Variants in RRM1 observed in about 807,000 individuals in gnomAD.
RRM1 encodes ribonucleoside-diphosphate reductase large subunit.
In RRM1, 19 loss-of-function variants were observed where a neutral mutation model predicts 101.5. That is an observed-to-expected ratio of 0.19 (90% CI 0.13 to 0.27). RRM1 has a LOEUF of 0.27. RRM1 is among the 10% of genes least tolerant of loss of function. The probability of loss-of-function intolerance (pLI) is 1.00; values close to 1 mark genes in which losing one functional copy is unlikely to be tolerated. For synonymous variants in RRM1, 298 were observed against 323.4 expected (o/e 0.92, Z 0.84); for missense variants, 500 against 962.9 (o/e 0.52, Z 6.36).
intron 15 of RRM1, among the ~76,000 whole-genome samples, chr11:4,129,759 A>T (rs977934832): frequency 3.3e-5 from 5 of 152,092 alleles, no homozygotes; most frequent in African/African-American, 1.2e-4. Context: ...TTATGGGTTA[A>T]TGCATATGCA....
At chr11:4,114,211 G>A (rs986383679) in intron 7 of RRM1, among the ~76,000 whole-genome samples, 6 of 152,072 alleles carry the variant, frequency 3.9e-5, no homozygotes, top group African/African-American at 1.2e-4. Flanking sequence ...AATAGAGCTT[G>A]TAGGACTGAA....
At chr11:4,097,022 C>T (rs537475331) in intron 1 of RRM1, among the ~76,000 whole-genome samples, 12 of 151,858 alleles carry the variant, frequency 7.9e-5, no homozygotes, top group Non-Finnish European at 1.5e-4. Flanking sequence ...TGGTGGCTCA[C>T]GCCTGTAATC....
At chr11:4,130,088 T>A (rs12806265) in intron 15 of RRM1, among the ~76,000 whole-genome samples, 19,234 of 46,688 alleles carry the variant, frequency 0.41, 5,396 homozygotes, top group Non-Finnish European at 0.52. Context: ...ATATATATAT[T>A]TTTTTTTTTT....
At chr11:4,134,848 G>T (rs2094606265) in intron 17 of RRM1, among the ~76,000 whole-genome samples, 1 of 152,162 alleles carries the variant, frequency 6.6e-6, no homozygotes, top group African/African-American at 2.4e-5. Context: ...CAACAAAAAA[G>T]GGATGCTGAA....
intron 9 of RRM1, 51 bp downstream of exon 9, chr11:4,119,979 G>A (rs764479208): frequency 3.7e-6 from 4 of 1,075,736 alleles, no homozygotes; most frequent in Non-Finnish European, 5.7e-6. Flanking sequence ...AGGTGATTTA[G>A]TCATATACAC....
In RRM1 at chr11:4,129,089, A is replaced by G; in HGVS notation, c.1708A>G (p.Met570Val). 6.3e-7 allele frequency: 1 copy of G among 1,594,240 alleles called. No individual in the cohort carries two copies. The highest frequency in any genetic ancestry group is 1.7e-5 in the Admixed American group (1 of 58,408). Residue 570 changes from methionine (M) to valine (V), a missense_variant, in exon 15 of 19, where the codon ATG becomes GTG. Met to Val is a conservative substitution (Grantham distance 21). This residue lies in a region of RRM1 where 106 missense variants were observed against 138.1 expected (regional missense o/e 0.77). Transcript: ENST00000300738. Reference protein sequence around the residue: ...PVSKGILQYDMWNVTPTDLWD... With the variant: ...PVSKGILQYDVWNVTPTDLWD... Reference sequence around the variant, plus strand: ...TATTCCTTAGATTCTTCAGTATGATATGTGGAATGTTACTCCTACAGACCT... The same window carrying G: ...TATTCCTTAGATTCTTCAGTATGATGTGTGGAATGTTACTCCTACAGACCT...
chr11:4,114,122 G>A (rs374407325), intron 7 of RRM1, among the ~76,000 whole-genome samples: 14 of 149,942 alleles, frequency 9.3e-5, no homozygotes, highest in Middle Eastern at 3.6e-3. Context: ...GCAACAGAGC[G>A]AGACTCCGTC....
chr11:4,119,762 C>CT, intron 8 of RRM1, 83 bp from the exon 9 acceptor site: 1 of 817,894 alleles, frequency 1.2e-6, no homozygotes, highest in Non-Finnish European at 2.1e-6. Flanking sequence ...AATTAGGCAT[C>CT]TTTTTTGATA....
chr11:4,121,870 C>T, intron 10 of RRM1, 105 bp downstream of exon 10: 1 of 1,035,482 alleles, frequency 9.7e-7, no homozygotes, highest in South Asian at 1.8e-5. Context: ...GTGTGTGATG[C>T]CACAGAAGGC....
At position 4,109,697 on chromosome 11, in the gene RRM1, C is replaced by A; in HGVS notation, c.441C>A (p.Gly147=). The A allele has an allele frequency of 6.2e-7, 1 of 1,603,650 alleles. No individual in the cohort carries two copies. The highest frequency in any genetic ancestry group is 1.3e-5 in the African/African-American group (1 of 74,744). Residue 147 remains glycine, a synonymous_variant, in exon 5 of 19, where the codon GGC becomes GGA. Coordinates refer to ENST00000300738, the MANE Select transcript of RRM1 (RefSeq NM_001033.5). ...YDRDFSYNYF[G]FKTLERSYLL... ...GAGATTTCTCTTACAATTACTTCGG[C>A]TTTAAGGTAAATAATGGGTTTCAAG...
intron 2 of RRM1, 152 bp downstream of exon 2, chr11:4,102,233 T>C (rs975360499): frequency 3.4e-5 from 20 of 590,574 alleles, no homozygotes; most frequent in Admixed American, 1.1e-4. Context: ...AAAACATTTT[T>C]TTTTCCTTAA....
At chr11:4,112,139 A>C (rs2094566451) in intron 7 of RRM1, 77 bp downstream of exon 7, 2 of 1,165,602 alleles carry the variant, frequency 1.7e-6, no homozygotes, top group South Asian at 3.0e-5. Flanking sequence ...AAAATAATTT[A>C]ATGACCTTTT....
At chr11:4,119,810 G>T (rs758690565) in intron 8 of RRM1, 35 bp from the exon 9 acceptor site, 1 of 1,293,176 alleles carries the variant, frequency 7.7e-7, no homozygotes, top group South Asian at 1.2e-5. Context: ...TTTGCTGAGT[G>T]CCCTCTGTCA....
chr11:4,097,510 C>T (rs1338772859), intron 1 of RRM1, among the ~76,000 whole-genome samples: 1 of 151,118 alleles, frequency 6.6e-6, no homozygotes, highest in Non-Finnish European at 1.5e-5. Flanking sequence ...TTTTAATATG[C>T]ATAGGGTTTT....
rs1164413779 is a variant in RRM1, at chr11:4,129,084, A to G, written c.1703A>G (p.Tyr568Cys). The G allele has an allele frequency of 4.4e-6, 7 of 1,585,358 alleles. No individual in the cohort carries two copies. Among genetic ancestry groups the G allele is most frequent in the Non-Finnish European group, 5.2e-6 (6 of 1,161,638 alleles). The part of the protein sequence containing the change: ...GSPVSKGILQ[Y>C]DMWNVTPTDL... The stretch of plus-strand genomic sequence containing the variant: ...TTGTGTATTCCTTAGATTCTTCAGT[A>G]TGATATGTGGAATGTTACTCCTACA... Residue 568 changes from tyrosine (Y) to cysteine (C), a missense_variant, in exon 15 of 19, where the codon TAT (tyrosine) becomes TGT (cysteine). Transcript: ENST00000300738.
rs376984700 is a variant in RRM1, at chr11:4,115,103, G to T, written c.650+3041G>T. ...TAGATTCAATTTTATAAAAATGTCA[G>T]TTTTTCCCAAGTTAAAATATAGATT... is the stretch of plus-strand genomic sequence containing the variant. On this transcript the variant is annotated intron_variant, in intron 7 of 18. Coordinates refer to ENST00000300738, the MANE Select transcript of RRM1 (RefSeq NM_001033.5). Among the ~76,000 whole-genome samples the T allele has an allele frequency of 1.5e-4, 23 of 152,256 alleles. No homozygotes were observed. In the South Asian group the frequency reaches 3.1e-3, roughly 21 times the overall value.
At chr11:4,123,782 T>C (rs968913775) in intron 12 of RRM1, among the ~76,000 whole-genome samples, 1 of 152,216 alleles carries the variant, frequency 6.6e-6, no homozygotes, top group Non-Finnish European at 1.5e-5. Flanking sequence ...TACTCCATCC[T>C]GGGCGACAAA....
At chr11:4,117,620 T>C (rs1459068570) in intron 7 of RRM1, among the ~76,000 whole-genome samples, 2 of 152,146 alleles carry the variant, frequency 1.3e-5, no homozygotes, top group East Asian at 3.8e-4. Context: ...TGTTAGAGGA[T>C]TGCAATGAGG....
In RRM1 at chr11:4,127,184, G is replaced by A; in HGVS notation, c.1620G>A (p.Leu540=). ...TTGAAACTATTTATTATGGTGCTCT[G>A]GAAGCCAGCTGTGACCTTGCCAAGG... ...QIFETIYYGA[L]EASCDLAKEQ... Residue 540 remains leucine (L), a synonymous_variant, in exon 14 of 19, where the codon CTG becomes CTA. Transcript: ENST00000300738. 1 of 1,613,620 alleles carries A rather than the reference G, an allele frequency of 6.2e-7. No individual in the cohort carries two copies. Among genetic ancestry groups the A allele is most frequent in the South Asian group, 1.1e-5 (1 of 90,942 alleles).
Sources: allele counts gnomAD v4.1 joint callset (sites outside exome capture counted in the v4.1 genomes callset), GRCh38; gene constraint gnomAD v4.1.1; regional missense constraint gnomAD v4.1.1; transcripts MANE v1.5; gene names NCBI Gene and HGNC (gene_info 2026-07-23, HGNC 2026-07-21).